ASB3: variants seen among roughly 807,000 people sequenced by gnomAD.
ASB3 encodes the protein ankyrin repeat and SOCS box containing 3.
ASB3 carries 41 observed loss-of-function variants against 54.5 expected under a neutral mutation model. That is an observed-to-expected ratio of 0.75 (90% CI 0.59 to 0.98). The LOEUF (loss-of-function observed/expected upper bound fraction) is 0.98. Ranked by LOEUF, ASB3 falls within the 50% of genes least tolerant of loss-of-function variation. The pLI, the probability that ASB3 is intolerant of heterozygous loss-of-function variation, is 0.00. For synonymous variants in ASB3, 266 were observed against 221.2 expected (o/e 1.20, Z -1.80); for missense variants, 733 against 620.0 (o/e 1.18, Z -1.94).
chr2:53,730,230 T>C (rs1671225030), intron 3 of ASB3, among the ~76,000 whole-genome samples: 1 of 152,120 alleles, frequency 6.6e-6, no homozygotes, highest in African/African-American at 2.4e-5. Context: ...AAAAACAGAA[T>C]GCCAGAATAG....
chr2:53,678,140 GGTGTGT>G (rs3034411), intron 9 of ASB3, among the ~76,000 whole-genome samples: 5 of 150,800 alleles, frequency 3.3e-5, no homozygotes, highest in Non-Finnish European at 7.4e-5. Context: ...TTACCTTGCT[GGTGTGT>G]GTGTGTGTGT....
At chr2:53,748,978 G>A (rs1158761164) in intron 3 of ASB3, among the ~76,000 whole-genome samples, 3 of 151,968 alleles carry the variant, frequency 2.0e-5, no homozygotes, top group Non-Finnish European at 4.4e-5. Context: ...AAGTAAAGGA[G>A]CGTGATGTCT....
At chr2:53,708,201 G>A (rs2103803930) in intron 7 of ASB3, among the ~76,000 whole-genome samples, 1 of 152,164 alleles carries the variant, frequency 6.6e-6, no homozygotes. Context: ...TCACAGTAGG[G>A]AGTTCTTGTG....
intron 1 of ASB3, among the ~76,000 whole-genome samples, chr2:53,783,055 G>C (rs778688688): frequency 2.6e-5 from 4 of 152,024 alleles, no homozygotes; most frequent in Non-Finnish European, 5.9e-5. Flanking sequence ...TTACCGGTGT[G>C]AGCCACTATG....
At chr2:53,786,299 AAAC>A (rs1302962235) in intron 1 of ASB3, 4 of 152,178 alleles carry the variant, frequency 2.6e-5, no homozygotes, top group Non-Finnish European at 5.9e-5. Context: ...TTCCTTGATA[AAAC>A]AACACCCCAA....
intron 1 of ASB3, among the ~76,000 whole-genome samples, chr2:53,785,825 G>A (rs1674943846): frequency 6.6e-6 from 1 of 152,246 alleles, no homozygotes; most frequent in Admixed American, 6.5e-5. Context: ...CTGGGTGACA[G>A]AGCGAGACTT....
intron 9 of ASB3, among the ~76,000 whole-genome samples, chr2:53,671,485 C>T (rs1377691916): frequency 7.2e-5 from 11 of 152,022 alleles, no homozygotes; most frequent in Admixed American, 2.0e-4. Flanking sequence ...ATAGGCCAGG[C>T]GCGGTGGCTC....
At position 53,714,590 on chromosome 2, in the gene ASB3, A is replaced by G; in HGVS notation, c.783-9T>C. On this transcript the variant is annotated splice_polypyrimidine_tract_variant and intron_variant, in intron 6 of 9. Coordinates refer to ENST00000263634, the MANE Select transcript of ASB3 (RefSeq NM_016115.5). ...TTAACAAGTCCAAGATTCTATAAATACACAAATTCAGGAGAATTTAGTGTT... is the reference window on the plus strand; with the variant it reads ...TTAACAAGTCCAAGATTCTATAAATGCACAAATTCAGGAGAATTTAGTGTT... The G allele has an allele frequency of 6.2e-7, 1 of 1,612,510 alleles. No individual in the cohort carries two copies. Among genetic ancestry groups the G allele is most frequent in the East Asian group, 2.2e-5 (1 of 44,876 alleles).
intron 2 of ASB3, 79 bp downstream of exon 2, chr2:53,765,298 A>C (rs190287984): frequency 6.4e-7 from 1 of 1,561,044 alleles, no homozygotes; most frequent in East Asian, 2.3e-5. Context: ...ACTACTGTTA[A>C]TAAGTTATGT....
chr2:53,713,994 T>C (rs1045962257), intron 7 of ASB3, among the ~76,000 whole-genome samples: 1 of 152,232 alleles, frequency 6.6e-6, no homozygotes, highest in Non-Finnish European at 1.5e-5. Context: ...GTTTAATTTT[T>C]AGGCTTATAT....
At chr2:53,736,058 T>C (rs1307493051) in intron 3 of ASB3, among the ~76,000 whole-genome samples, 1 of 151,236 alleles carries the variant, frequency 6.6e-6, no homozygotes, top group Non-Finnish European at 1.5e-5. Context: ...GAAAAATAAT[T>C]TTTAATCTTC....
At chr2:53,699,067 G>A (rs1669340240) in intron 8 of ASB3, among the ~76,000 whole-genome samples, 1 of 152,196 alleles carries the variant, frequency 6.6e-6, no homozygotes. Flanking sequence ...CAGTTCTGGA[G>A]ACTGGGAAGT....
chr2:53,780,304 A>G (rs1674571970), intron 1 of ASB3, among the ~76,000 whole-genome samples: 1 of 151,694 alleles, frequency 6.6e-6, no homozygotes, highest in African/African-American at 2.4e-5. Flanking sequence ...CAATCACACC[A>G]CCCTCCTCAT....
In ASB3 at chr2:53,714,566, T is replaced by C; in HGVS notation, c.798A>G (p.Leu266=). ...QMGHTKILDL[L]IPLTNRACDT... ...CACAGGCCCGGTTAGTAAGTGGTAT[T>C]AACAAGTCCAAGATTCTATAAATAC... The change falls in exon 7 of 10, where the codon TTA becomes TTG. Residue 266 remains leucine, a synonymous_variant. Coordinates refer to ENST00000263634, the MANE Select transcript of ASB3 (RefSeq NM_016115.5). 6.2e-7 allele frequency: 1 copy of C among 1,614,184 alleles called. No individual in the cohort carries two copies. Among genetic ancestry groups the C allele is most frequent in the Non-Finnish European group, 8.5e-7 (1 of 1,180,002 alleles).
At chr2:53,782,153 G>C (rs540558635) in intron 1 of ASB3, among the ~76,000 whole-genome samples, 1 of 152,158 alleles carries the variant, frequency 6.6e-6, no homozygotes, top group East Asian at 1.9e-4. Context: ...CTCTAGCCCG[G>C]GTGACAAAGC....
intron 5 of ASB3, 93 bp downstream of exon 5, chr2:53,728,619 C>A: frequency 1.5e-6 from 2 of 1,358,186 alleles, no homozygotes; most frequent in Non-Finnish European, 1.9e-6. Context: ...AATTTCACAA[C>A]CTGATTTATA....
chr2:53,685,287 GA>G (rs1198414659), intron 9 of ASB3, among the ~76,000 whole-genome samples: 22 of 152,170 alleles, frequency 1.4e-4, no homozygotes, highest in Non-Finnish European at 2.2e-4. Flanking sequence ...AGTAGAAGAA[GA>G]GATGGAATAA....
intron 5 of ASB3, among the ~76,000 whole-genome samples, chr2:53,725,693 T>C (rs1670957051): frequency 6.6e-6 from 1 of 152,208 alleles, no homozygotes; most frequent in Non-Finnish European, 1.5e-5. Flanking sequence ...CGGAAAAGGC[T>C]GTCTTCTATT....
intron 4 of ASB3, 101 bp from the exon 5 acceptor site, chr2:53,728,948 A>C: frequency 1.5e-6 from 2 of 1,338,886 alleles, no homozygotes; most frequent in Non-Finnish European, 2.0e-6. Flanking sequence ...CCTCTCACTA[A>C]AGGATAACTT....
Sources: allele counts gnomAD v4.1 joint callset (sites outside exome capture counted in the v4.1 genomes callset), GRCh38; gene constraint gnomAD v4.1.1; transcripts MANE v1.5; gene names NCBI Gene and HGNC (gene_info 2026-07-23, HGNC 2026-07-21).